NUAK1: variants seen among roughly 807,000 people sequenced by gnomAD.
The protein encoded by NUAK1 is NUAK family kinase 1.
NUAK1 carries 26 observed loss-of-function variants against 56.9 expected under a neutral mutation model. That is an observed-to-expected ratio of 0.46 (90% CI 0.33 to 0.63). The LOEUF (loss-of-function observed/expected upper bound fraction) is 0.63. Among genes scored for constraint, NUAK1 ranks in the 30% least tolerant of loss-of-function variants. NUAK1 has a pLI of 0.02. For synonymous variants in NUAK1, 337 were observed against 336.0 expected, an observed-to-expected ratio of 1.00 and a Z score of -0.03; for missense variants, 727 against 876.1, an observed-to-expected ratio of 0.83 and a Z score of 2.15.
chr12:106,106,217 G>T (rs903936215), intron 2 of NUAK1, 188 bp downstream of exon 2: 22 of 468,846 alleles, frequency 4.7e-5, no homozygotes, highest in Non-Finnish European at 8.2e-5. Context: ...TGACCAAAAT[G>T]AGCTGCACTC....
chr12:106,116,922 G>A (rs1283457198), intron 1 of NUAK1, among the ~76,000 whole-genome samples: 1 of 152,212 alleles, frequency 6.6e-6, no homozygotes, highest in Non-Finnish European at 1.5e-5. Context: ...CTAAAACGAT[G>A]TGAGAATGAG....
chr12:106,086,690 A>C (rs1467227900), intron 3 of NUAK1, 44 bp downstream of exon 3: 1 of 1,575,924 alleles, frequency 6.3e-7, no homozygotes, highest in African/African-American at 1.3e-5. Context: ...GCAGTGCCAT[A>C]AAAACCATCT....
intron 4 of NUAK1, among the ~76,000 whole-genome samples, chr12:106,078,790 G>T (rs2032487750): frequency 1.3e-5 from 2 of 152,192 alleles, no homozygotes; most frequent in African/African-American, 2.4e-5. Context: ...AGCTCCCATG[G>T]ATGTTAATTA....
At chr12:106,125,184 T>C (rs1437741432) in intron 1 of NUAK1, among the ~76,000 whole-genome samples, 1 of 152,102 alleles carries the variant, frequency 6.6e-6, no homozygotes, top group Non-Finnish European at 1.5e-5. Context: ...CAGCCAAGTC[T>C]CCCAACATAC....
intron 4 of NUAK1, among the ~76,000 whole-genome samples, chr12:106,075,011 G>A (rs1347466831): frequency 6.6e-6 from 1 of 152,104 alleles, no homozygotes; most frequent in East Asian, 1.9e-4. Context: ...CAGTGCCTGG[G>A]GCACCATATG....
At chr12:106,126,214 A>G (rs1782601482) in intron 1 of NUAK1, among the ~76,000 whole-genome samples, 1 of 152,248 alleles carries the variant, frequency 6.6e-6, no homozygotes, top group African/African-American at 2.4e-5. Flanking sequence ...TCAGGGTTAG[A>G]TGCACATTCT....
intron 1 of NUAK1, among the ~76,000 whole-genome samples, chr12:106,134,407 G>T (rs2033108480): frequency 6.6e-6 from 1 of 152,196 alleles, no homozygotes; most frequent in Non-Finnish European, 1.5e-5. Flanking sequence ...CACTTGGCTT[G>T]CTAGGTGAGG....
intron 4 of NUAK1, among the ~76,000 whole-genome samples, chr12:106,080,517 C>T (rs1316054761): frequency 1.3e-5 from 2 of 152,220 alleles, no homozygotes; most frequent in Admixed American, 1.3e-4. Context: ...CCCAAAGCAG[C>T]ACATTGCTCT....
At chr12:106,072,499 G>A (rs1427606483) in intron 5 of NUAK1, among the ~76,000 whole-genome samples, 1 of 152,152 alleles carries the variant, frequency 6.6e-6, no homozygotes, top group Non-Finnish European at 1.5e-5. Flanking sequence ...ATCTTTTCTA[G>A]GGGGATGGCA....
intron 4 of NUAK1, among the ~76,000 whole-genome samples, chr12:106,078,801 G>A (rs117844060): frequency 3.0e-3 from 452 of 152,320 alleles, no homozygotes; most frequent in Non-Finnish European, 5.2e-3. Context: ...ATGTTAATTA[G>A]CAGCCAGTGC....
chr12:106,065,710 TG>T lies in NUAK1; in HGVS notation c.*1091del, dbSNP rs1229892963. ...CCAATGGTTCAGCCAGGTAATCCTC[TG>T]GAGAATATGGACAGTATCACGTCCA... On this transcript the variant is annotated 3_prime_UTR_variant, in exon 7 of 7. Transcript: ENST00000261402. The T allele has an allele frequency of 6.6e-6, 1 of 152,644 alleles. No individual in the cohort carries two copies. Among genetic ancestry groups the T allele is most frequent in the African/African-American group, 2.4e-5 (1 of 41,432 alleles). The allele number at this position is 152,644 out of a possible 1,614,324, so 9.5% of individuals were successfully genotyped here.
At chr12:106,112,726 T>C (rs2136475003) in intron 1 of NUAK1, among the ~76,000 whole-genome samples, 1 of 152,004 alleles carries the variant, frequency 6.6e-6, no homozygotes, top group Admixed American at 6.5e-5. Context: ...TGAATGTATT[T>C]CAGAAAGAAA....
At chr12:106,085,245 A>G (rs2032559220) in intron 3 of NUAK1, among the ~76,000 whole-genome samples, 1 of 152,258 alleles carries the variant, frequency 6.6e-6, no homozygotes, top group Non-Finnish European at 1.5e-5. Context: ...ACACACTTCC[A>G]ATATCAAAAA....
At position 106,138,211 on chromosome 12, in the gene NUAK1, G is replaced by A. The variant is rs118131877; in HGVS notation, c.240+203C>T. 3.0e-3 allele frequency among the ~76,000 whole-genome samples: 457 copies of A among 152,308 alleles called. 5 individuals are homozygous for A. In the East Asian group the frequency reaches 0.05, roughly 17 times the overall value. On this transcript the variant is annotated intron_variant, in intron 1 of 6. Coordinates refer to ENST00000261402, the MANE Select transcript of NUAK1 (RefSeq NM_014840.3). The surrounding 1 kb of genome is among the most constrained non-coding windows in gnomAD (Gnocchi z 5.0). ...AATAAAATAAAATATGTGCAGACAG[G>A]ATGTAACAAGTGTTTCAGGACAGAG...
chr12:106,110,795 C>A (rs2032851081), intron 1 of NUAK1, among the ~76,000 whole-genome samples: 1 of 152,252 alleles, frequency 6.6e-6, no homozygotes, highest in South Asian at 2.1e-4. Context: ...CCTTCTGCAG[C>A]AGCAGGTTTG....
rs763950455 is a variant in NUAK1 at position 106,138,381 on chromosome 12, G to GC, written c.240+32dup. 1.5e-5 allele frequency: 23 copies of GC among 1,566,930 alleles called. No individual in the cohort carries two copies. The highest frequency in any genetic ancestry group is 1.5e-5 in the Non-Finnish European group (17 of 1,160,942). ...CAGTCCCCGGCCGCGTCCACCCAGC[G>GC]CCCCCCGCACCCTCCAGGATTGCCC... On this transcript the variant is annotated intron_variant, in intron 1 of 6. Coordinates refer to ENST00000261402, the MANE Select transcript of NUAK1 (RefSeq NM_014840.3). The surrounding 1 kb of genome is among the most constrained non-coding windows in gnomAD (Gnocchi z 5.0).
At chr12:106,115,286 A>C (rs12298848) in intron 1 of NUAK1, among the ~76,000 whole-genome samples, 38 of 152,342 alleles carry the variant, frequency 2.5e-4, no homozygotes, top group African/African-American at 9.1e-4. Context: ...ACAACAAGCT[A>C]AAAAGAGGCA....
In NUAK1 at chr12:106,067,849, G is replaced by A. The variant is rs143829749; in HGVS notation, c.939C>T (p.Ser313=). The change falls in exon 7 of 7, where the codon AGC becomes AGT. Residue 313 remains serine (S), a synonymous_variant. Transcript: ENST00000261402. This position sits in a 1 kb window ranked among gnomAD's most constrained non-coding sequence, Gnocchi z 6.0. Reference sequence around the variant, plus strand: ...CATGGAGGGCATCACAGTCACACACGCTGCTCTTATAGCCCCAGTTCACCC... The same window carrying A: ...CATGGAGGGCATCACAGTCACACACACTGCTCTTATAGCCCCAGTTCACCC... ...HWWVNWGYKS[S]VCDCDALHDS... is the part of the protein sequence containing the mutation. 5.5e-5 allele frequency: 88 copies of A among 1,614,204 alleles called. No individual in the cohort carries two copies. The highest frequency in any genetic ancestry group is 1.6e-4 in the Middle Eastern group (1 of 6,062).
In NUAK1 at chr12:106,067,560, G is replaced by A. The variant is rs370958059; in HGVS notation, c.1228C>T (p.Arg410Cys). 2.8e-5 allele frequency: 45 copies of A among 1,614,102 alleles called. No individual in the cohort carries two copies. The highest frequency in any genetic ancestry group is 9.3e-5 in the African/African-American group (7 of 74,940). Residue 410 changes from arginine to cysteine, a missense_variant, in exon 7 of 7, where the codon CGC becomes TGC. Physicochemically the swap from Arg to Cys is radical, Grantham distance 180. Transcript: ENST00000261402. This position sits in a 1 kb window ranked among gnomAD's most constrained non-coding sequence, Gnocchi z 6.0. ...ILKKRSNSEH[R>C]SHSTGFIEGV... ...TCAATGAAGCCAGTGCTGTGAGAGC[G>A]ATGCTCGCTGTTGCTTCGCTTCTTC...
Sources: allele counts gnomAD v4.1 joint callset (sites outside exome capture counted in the v4.1 genomes callset), GRCh38; gene constraint gnomAD v4.1.1; non-coding constraint Gnocchi (gnomAD v3.1); transcripts MANE v1.5; gene names NCBI Gene and HGNC (gene_info 2026-07-23, HGNC 2026-07-21).